GRIK4: variants seen among roughly 807,000 people sequenced by gnomAD.
GRIK4 encodes the protein glutamate receptor ionotropic, kainate 4.
GRIK4 carries 40 observed loss-of-function variants against 104.9 expected under a neutral mutation model. The ratio of observed to expected loss-of-function variants is 0.38; its 90% CI spans 0.30 to 0.50. GRIK4 has a LOEUF of 0.50. Among genes scored for constraint, GRIK4 ranks in the 20% least tolerant of loss-of-function variants. GRIK4 has a pLI of 0.93. For missense variants in GRIK4, 1,047 were observed against 1,308.1 expected, an observed-to-expected ratio of 0.80 and a Z score of 3.08; for synonymous variants, 485 against 524.9, an observed-to-expected ratio of 0.92 and a Z score of 1.04.
intron 1 of GRIK4, among the ~76,000 whole-genome samples, chr11:120,604,731 G>A (rs1565570271): frequency 6.6e-6 from 1 of 152,348 alleles, no homozygotes; most frequent in Admixed American, 6.5e-5. Context: ...GATTTACAGG[G>A]CTGCATTGGT....
At chr11:120,596,565 T>G (rs1448522618) in intron 1 of GRIK4, among the ~76,000 whole-genome samples, 1 of 152,092 alleles carries the variant, frequency 6.6e-6, no homozygotes, top group Non-Finnish European at 1.5e-5. Context: ...TGCCTTTATG[T>G]CTATGTGTCT....
At chr11:120,573,520 G>A (rs1482464220) in intron 1 of GRIK4, among the ~76,000 whole-genome samples, 1 of 152,142 alleles carries the variant, frequency 6.6e-6, no homozygotes, top group Admixed American at 6.5e-5. Context: ...CTAGCTTGTG[G>A]GTCCTTGGAG....
chr11:120,735,890 G>A (rs1003638262), intron 3 of GRIK4, among the ~76,000 whole-genome samples: 1 of 152,198 alleles, frequency 6.6e-6, no homozygotes, highest in African/African-American at 2.4e-5. Flanking sequence ...CAGTCAGCTT[G>A]TGGTGAATAC....
At chr11:120,932,579 A>C (rs1432916696) in intron 13 of GRIK4, among the ~76,000 whole-genome samples, 1 of 152,166 alleles carries the variant, frequency 6.6e-6, no homozygotes, top group African/African-American at 2.4e-5. Context: ...TTGGAATTCC[A>C]TAAGCCTTTT....
chr11:120,838,911 C>T (rs1372859919), intron 8 of GRIK4, among the ~76,000 whole-genome samples: 2 of 152,100 alleles, frequency 1.3e-5, no homozygotes, highest in Admixed American at 1.3e-4. Flanking sequence ...CTCCGCCTCC[C>T]AAGTAGCTGG....
chr11:120,654,354 A>G (rs1220549759), intron 2 of GRIK4, among the ~76,000 whole-genome samples: 1 of 151,956 alleles, frequency 6.6e-6, no homozygotes, highest in Non-Finnish European at 1.5e-5. Context: ...GTTAGTATTT[A>G]TTATTATTAT....
chr11:120,614,854 C>G (rs531142489), intron 1 of GRIK4, among the ~76,000 whole-genome samples: 1 of 152,142 alleles, frequency 6.6e-6, no homozygotes, highest in South Asian at 2.1e-4. Context: ...AAAAAATTAT[C>G]CGGGTGTGGT....
chr11:120,807,739 G>A (rs767089123), intron 4 of GRIK4, among the ~76,000 whole-genome samples: 3 of 152,212 alleles, frequency 2.0e-5, no homozygotes, highest in Non-Finnish European at 2.9e-5. Context: ...TCCCCTTCTC[G>A]GAGCTACCCG....
At chr11:120,834,299 T>TGG (rs1345756637) in intron 7 of GRIK4, among the ~76,000 whole-genome samples, 25 of 149,418 alleles carry the variant, frequency 1.7e-4, no homozygotes, top group Non-Finnish European at 3.4e-4. Context: ...TGTGTGTGTG[T>TGG]GGCCATGCTT....
intron 1 of GRIK4, among the ~76,000 whole-genome samples, chr11:120,551,333 T>C (rs1365001662): frequency 6.6e-6 from 1 of 152,194 alleles, no homozygotes; most frequent in Non-Finnish European, 1.5e-5. Context: ...AAGGCAAGAC[T>C]CTGATCTGAC....
intron 1 of GRIK4, among the ~76,000 whole-genome samples, chr11:120,640,611 CT>C (rs1949457895): frequency 6.6e-6 from 1 of 152,168 alleles, no homozygotes; most frequent in Non-Finnish European, 1.5e-5. Context: ...AAATTCCAAG[CT>C]GCCATGTAAC....
In GRIK4 at chr11:120,851,924, C is replaced by G. The variant is rs572659404; in HGVS notation, c.745-10035C>G. On this transcript the variant is annotated intron_variant, in intron 8 of 20. Coordinates refer to ENST00000527524, the MANE Select transcript of GRIK4 (RefSeq NM_014619.5). ...TGGTGGGATGGTGGAGCTGGGGGTG[C>G]CTGGGATCTCTACGTGCCTGAGGCT... Among the ~76,000 whole-genome samples, 5 of 152,300 alleles carry G rather than the reference C, an allele frequency of 3.3e-5. No individual in the cohort carries two copies. In the South Asian group the frequency reaches 1.0e-3, roughly 32 times the overall value.
Position 120,967,089 on chromosome 11 carries a change from G to A in GRIK4, c.2267-106G>A. On this transcript the variant is annotated intron_variant, in intron 18 of 20. Transcript: ENST00000527524. The surrounding 1 kb of genome is among the most constrained non-coding windows in gnomAD (Gnocchi z 4.2). ...CTGCATCTGTCTGTCCCCTCTCGAG[G>A]TGAAAGCAGGCAGGGTGGCCAGGAG... 3.1e-6 allele frequency: 4 copies of A among 1,304,936 alleles called. No homozygotes were observed. Among genetic ancestry groups the A allele is most frequent in the Non-Finnish European group, 4.3e-6 (4 of 937,772 alleles). The allele number at this position is 1,304,936 out of a possible 1,614,324, so 80.8% of individuals were successfully genotyped here.
chr11:120,664,261 C>T (rs1949866946), intron 3 of GRIK4, among the ~76,000 whole-genome samples: 1 of 152,188 alleles, frequency 6.6e-6, no homozygotes, highest in Non-Finnish European at 1.5e-5. Context: ...GTCTGTCTTA[C>T]TTAAAAGAGA....
At chr11:120,656,819 A>T (rs1949718119) in intron 2 of GRIK4, among the ~76,000 whole-genome samples, 1 of 152,140 alleles carries the variant, frequency 6.6e-6, no homozygotes, top group Non-Finnish European at 1.5e-5. Context: ...GCGCCACTGC[A>T]CTCCAGCCTG....
chr11:120,596,454 C>T (rs758839331), intron 1 of GRIK4, among the ~76,000 whole-genome samples: 29 of 152,222 alleles, frequency 1.9e-4, no homozygotes, highest in Admixed American at 3.9e-4. Flanking sequence ...TGTTAGGGAG[C>T]GCTTCAGAGA....
chr11:120,543,537 T>G (rs1271950145), intron 1 of GRIK4, among the ~76,000 whole-genome samples: 1 of 152,220 alleles, frequency 6.6e-6, no homozygotes, highest in Non-Finnish European at 1.5e-5. Context: ...ATCACGCCAC[T>G]GCACTCCAGC....
At chr11:120,625,956 A>C (rs1168255804) in intron 1 of GRIK4, among the ~76,000 whole-genome samples, 1 of 152,112 alleles carries the variant, frequency 6.6e-6, no homozygotes, top group Non-Finnish European at 1.5e-5. Flanking sequence ...CCTGACCAAC[A>C]TTTGAAGAAA....
chr11:120,601,885 G>A (rs987841668), intron 1 of GRIK4, among the ~76,000 whole-genome samples: 1 of 152,076 alleles, frequency 6.6e-6, no homozygotes, highest in African/African-American at 2.4e-5. Context: ...AAGAAGCTGG[G>A]TGAGCTTCTT....
Sources: gnomAD v4.1 joint callset for allele counts (sites outside exome capture counted in the v4.1 genomes callset) on GRCh38, gnomAD v4.1.1 for gene constraint, Gnocchi (gnomAD v3.1) non-coding constraint, MANE v1.5 for transcripts, NCBI Gene and HGNC (gene_info 2026-07-23, HGNC 2026-07-21) for gene names.